The following FRAS1 variants were observed in gnomAD, a reference collection of about 807,000 sequenced individuals.
FRAS1 encodes the protein extracellular matrix organizing protein FRAS1.
In FRAS1, 290 loss-of-function variants were observed where a neutral mutation model predicts 435.2. The observed-to-expected ratio is 0.67, with a 90% confidence interval of 0.61 to 0.73. The LOEUF (loss-of-function observed/expected upper bound fraction) is 0.73. Ranked by LOEUF, FRAS1 falls within the 30% of genes least tolerant of loss-of-function variation. The pLI, the probability that FRAS1 is intolerant of heterozygous loss-of-function variation, is 0.00. For missense variants in FRAS1, 4,860 were observed against 5,001.5 expected (o/e 0.97, Z 0.85); for synonymous variants, 1,800 against 1,851.0 (o/e 0.97, Z 0.71).
rs117149451 is a variant in FRAS1, at chr4:78,334,078, T to C, written c.2278+666T>C. Among the ~76,000 whole-genome samples the C allele has an allele frequency of 1.2e-3, 187 of 152,304 alleles. 1 individual carries two copies. In the East Asian group the frequency reaches 0.035, roughly 29 times the overall value. ...TGCTGAGATTACAGATGTGAGCTAC[T>C]GTACCCAGCCTGTGGCTTTTTAAAA... On this transcript the variant is annotated intron_variant, in intron 19 of 73. Transcript: ENST00000512123.
At chr4:78,486,999 G>A (rs1720190805) in intron 58 of FRAS1, among the ~76,000 whole-genome samples, 1 of 152,124 alleles carries the variant, frequency 6.6e-6, no homozygotes, top group African/African-American at 2.4e-5. Flanking sequence ...CTGACTTGAG[G>A]CCTGTCAGGC....
chr4:78,418,157 T>G (rs759102050), intron 32 of FRAS1, among the ~76,000 whole-genome samples: 32 of 152,204 alleles, frequency 2.1e-4, no homozygotes, highest in Non-Finnish European at 4.3e-4. Flanking sequence ...GCCTCATTCA[T>G]TCACTGGGTC....
At chr4:78,102,121 A>AT (rs11399357) in intron 2 of FRAS1, among the ~76,000 whole-genome samples, 9,249 of 151,858 alleles carry the variant, frequency 0.061, 770 homozygotes, top group African/African-American at 0.19. Context: ...GAATATGGTG[A>AT]TTTTTTTTTA....
chr4:78,330,254 C>T (rs1032059355), intron 18 of FRAS1, among the ~76,000 whole-genome samples: 2 of 152,122 alleles, frequency 1.3e-5, no homozygotes, highest in Admixed American at 6.5e-5. Context: ...CAATCAATAC[C>T]CTTGTGATTT....
intron 2 of FRAS1, among the ~76,000 whole-genome samples, chr4:78,143,205 T>C (rs953282059): frequency 6.6e-6 from 1 of 152,134 alleles, no homozygotes; most frequent in Non-Finnish European, 1.5e-5. Context: ...AAAGCCAATA[T>C]AGCTATGATA....
chr4:78,456,398 A>T (rs1719202731), intron 47 of FRAS1, among the ~76,000 whole-genome samples: 1 of 152,122 alleles, frequency 6.6e-6, no homozygotes, highest in Admixed American at 6.6e-5. Context: ...CTGCTTTGGC[A>T]TCCGAAAGTG....
chr4:78,181,566 G>A, intron 2 of FRAS1: 1 of 1,611,528 alleles, frequency 6.2e-7, no homozygotes, highest in South Asian at 1.1e-5. Context: ...CCTCGAATAG[G>A]TCGGTCAATA....
intron 2 of FRAS1, among the ~76,000 whole-genome samples, chr4:78,140,250 A>C (rs1210783498): frequency 2.0e-5 from 3 of 152,184 alleles, no homozygotes; most frequent in Non-Finnish European, 1.5e-5. Context: ...ACAAATAATT[A>C]ATCTTTCCTT....
chr4:78,230,133 C>A (rs2110106770), intron 2 of FRAS1, among the ~76,000 whole-genome samples: 1 of 152,316 alleles, frequency 6.6e-6, no homozygotes, highest in South Asian at 2.1e-4. Flanking sequence ...TCAGGTTTAT[C>A]ATTTTAAGAC....
chr4:78,532,977 C>T (rs747422395), intron 70 of FRAS1, among the ~76,000 whole-genome samples: 12 of 152,118 alleles, frequency 7.9e-5, no homozygotes, highest in Non-Finnish European at 1.6e-4. Context: ...ATGGTGATTT[C>T]CCCTTGTTTG....
chr4:78,284,381 C>A (rs1329660839), intron 12 of FRAS1, 24 bp from the exon 13 acceptor site: 1 of 1,613,234 alleles, frequency 6.2e-7, no homozygotes, highest in Non-Finnish European at 8.5e-7. Flanking sequence ...ACAGAGTTCT[C>A]CCCTTCTTTG....
At chr4:78,279,747 T>A (rs1360351979) in intron 10 of FRAS1, among the ~76,000 whole-genome samples, 1 of 152,224 alleles carries the variant, frequency 6.6e-6, no homozygotes, top group Non-Finnish European at 1.5e-5. Flanking sequence ...GGTATTGGAA[T>A]GTTGATAAAT....
chr4:78,532,281 T>G (rs1721739697), intron 70 of FRAS1, among the ~76,000 whole-genome samples: 1 of 152,222 alleles, frequency 6.6e-6, no homozygotes, highest in Admixed American at 6.5e-5. Context: ...TTCCTCTTCC[T>G]GGAGGGCTTC....
chr4:78,198,258 C>A (rs575571398), intron 2 of FRAS1, among the ~76,000 whole-genome samples: 1 of 152,354 alleles, frequency 6.6e-6, no homozygotes, highest in East Asian at 1.9e-4. Context: ...GTCAGTAACT[C>A]CAGCCTCTAG....
intron 19 of FRAS1, among the ~76,000 whole-genome samples, chr4:78,336,501 G>A (rs937435327): frequency 6.6e-6 from 1 of 152,218 alleles, no homozygotes; most frequent in Non-Finnish European, 1.5e-5. Context: ...TTCTGATAGG[G>A]AGGAAGAACT....
chr4:78,243,111 T>C (rs982344954), intron 3 of FRAS1, among the ~76,000 whole-genome samples: 4 of 152,176 alleles, frequency 2.6e-5, no homozygotes, highest in African/African-American at 9.7e-5. Flanking sequence ...CATTACGTGG[T>C]AAGGTTTTGG....
intron 2 of FRAS1, among the ~76,000 whole-genome samples, chr4:78,131,295 T>C (rs1274284539): frequency 6.6e-6 from 1 of 152,202 alleles, no homozygotes; most frequent in Non-Finnish European, 1.5e-5. Flanking sequence ...GTCGACTAGA[T>C]ATATTTGATC....
At chr4:78,261,591 CAT>C (rs1165042448) in intron 6 of FRAS1, among the ~76,000 whole-genome samples, 6 of 152,130 alleles carry the variant, frequency 3.9e-5, no homozygotes, top group Non-Finnish European at 8.8e-5. Flanking sequence ...TTAAGACTCT[CAT>C]GTGAGAGATG....
intron 19 of FRAS1, among the ~76,000 whole-genome samples, chr4:78,335,791 A>G (rs556919284): frequency 9.9e-5 from 15 of 152,022 alleles, no homozygotes; most frequent in African/African-American, 3.4e-4. Flanking sequence ...GATCACCTTT[A>G]TGTTTTAGTG....
Sources: allele counts gnomAD v4.1 joint callset (sites outside exome capture counted in the v4.1 genomes callset), GRCh38; gene constraint gnomAD v4.1.1; transcripts MANE v1.5; gene names NCBI Gene and HGNC (gene_info 2026-07-23, HGNC 2026-07-21).